ITGBL1: variants seen among roughly 807,000 people sequenced by gnomAD.
ITGBL1 encodes integrin beta-like protein 1.
In ITGBL1, 51 loss-of-function variants were observed where a neutral mutation model predicts 68.5. The observed-to-expected ratio is 0.74, with a 90% CI of 0.59 to 0.94. ITGBL1 has a LOEUF of 0.94. Ranked by LOEUF, ITGBL1 falls within the 40% of genes least tolerant of loss-of-function variation. ITGBL1 has a pLI of 0.00. For missense variants in ITGBL1, 649 were observed against 647.4 expected (o/e 1.00, Z -0.03); for synonymous variants, 209 against 227.3 (o/e 0.92, Z 0.72).
At chr13:101,493,786 G>A (rs181503663) in intron 2 of ITGBL1, among the ~76,000 whole-genome samples, 7 of 152,256 alleles carry the variant, frequency 4.6e-5, no homozygotes, top group African/African-American at 1.4e-4. Context: ...GGACAATCCC[G>A]GCTAAGAGCC....
At chr13:101,634,942 G>T (rs1461383962) in intron 7 of ITGBL1, among the ~76,000 whole-genome samples, 2 of 84,230 alleles carry the variant, frequency 2.4e-5, no homozygotes, top group East Asian at 6.5e-4. Flanking sequence ...TAAGCAAAAG[G>T]TGTGTGTGTG....
intron 1 of ITGBL1, 74 bp downstream of exon 1, chr13:101,453,005 T>C: frequency 8.1e-7 from 1 of 1,233,206 alleles, no homozygotes; most frequent in South Asian, 1.2e-5. Flanking sequence ...GCAGGATGGC[T>C]GCCCTAAGCC....
At chr13:101,613,208 A>G (rs896862410) in intron 7 of ITGBL1, among the ~76,000 whole-genome samples, 2 of 152,176 alleles carry the variant, frequency 1.3e-5, no homozygotes, top group African/African-American at 4.8e-5. Flanking sequence ...TTAATATACA[A>G]TTTTACGGGC....
chr13:101,706,849 A>G lies in ITGBL1; in HGVS notation c.1226A>G (p.Glu409Gly), dbSNP rs1032721963. 44 of 1,614,070 alleles carry G rather than the reference A, an allele frequency of 2.7e-5. 1 individual carries two copies. In the East Asian group the frequency reaches 9.8e-4, roughly 36 times the overall value. ...QHPRKCNMTEEQSKNLCESAD... is the reference protein window; with the variant it reads ...QHPRKCNMTEGQSKNLCESAD... The stretch of plus-strand genomic sequence containing the variant: ...CCGCGGAAGTGTAACATGACGGAAG[A>G]ACAAAGCAAGAATCTGTGTGAATCA... Residue 409 changes from glutamate to glycine, a missense_variant, in exon 9 of 11, where the codon GAA (glutamate) becomes GGA (glycine). Glu to Gly is a moderately conservative substitution (Grantham distance 98). Transcript: ENST00000376180.
intron 2 of ITGBL1, among the ~76,000 whole-genome samples, chr13:101,520,633 T>C (rs2049269750): frequency 6.6e-6 from 1 of 152,180 alleles, no homozygotes; most frequent in African/African-American, 2.4e-5. Context: ...GGCACCCTGC[T>C]CACTCCGTGG....
chr13:101,617,147 A>G (rs961032002), intron 7 of ITGBL1, among the ~76,000 whole-genome samples: 2 of 152,146 alleles, frequency 1.3e-5, no homozygotes, highest in African/African-American at 4.8e-5. Context: ...TTAACTAGGT[A>G]CTGTATTGTT....
intron 2 of ITGBL1, among the ~76,000 whole-genome samples, chr13:101,457,763 C>T (rs2048264466): frequency 6.6e-6 from 1 of 152,014 alleles, no homozygotes; most frequent in South Asian, 2.1e-4. Flanking sequence ...TTGCAGTGAG[C>T]CAAGATTGCG....
At chr13:101,605,322 A>G (rs1352545733) in intron 7 of ITGBL1, among the ~76,000 whole-genome samples, 1 of 6,810 alleles carries the variant, frequency 1.5e-4, no homozygotes, top group African/African-American at 3.7e-4. Flanking sequence ...ATATATGCAT[A>G]TGCGTATATA....
chr13:101,598,798 C>T (rs1356501421), intron 7 of ITGBL1, among the ~76,000 whole-genome samples: 1 of 152,156 alleles, frequency 6.6e-6, no homozygotes, highest in East Asian at 1.9e-4. Context: ...GTATTCCATG[C>T]TGTATATGTG....
intron 2 of ITGBL1, among the ~76,000 whole-genome samples, chr13:101,558,442 A>C (rs2050045826): frequency 6.6e-6 from 1 of 152,188 alleles, no homozygotes; most frequent in Admixed American, 6.5e-5. Context: ...ACAAACATGC[A>C]CTGCTACCCC....
chr13:101,632,189 A>G (rs2032007573), intron 7 of ITGBL1, among the ~76,000 whole-genome samples: 1 of 152,128 alleles, frequency 6.6e-6, no homozygotes, highest in African/African-American at 2.4e-5. Flanking sequence ...TACCTAAAAT[A>G]TATAAACCAC....
chr13:101,517,879 A>G lies in ITGBL1; in HGVS notation c.317-49820A>G, dbSNP rs183522379. 1.2e-4 allele frequency among the ~76,000 whole-genome samples: 18 copies of G among 152,256 alleles called. 1 individual carries two copies. Among genetic ancestry groups the G allele is most frequent in the Admixed American group, 9.2e-4 (14 of 15,296 alleles). ...ACTTACCTGTGCCAGCCTTGCTGAA[A>G]TGTGCACCAAGGCATCTGTCCACAG... On this transcript the variant is annotated intron_variant, in intron 2 of 10. Transcript: ENST00000376180.
intron 7 of ITGBL1, among the ~76,000 whole-genome samples, chr13:101,633,062 T>C (rs1268895255): frequency 1.3e-5 from 2 of 152,178 alleles, no homozygotes; most frequent in African/African-American, 4.8e-5. Flanking sequence ...AGATGAGTGC[T>C]CTGGATAATG....
chr13:101,607,441 CA>C (rs2030922272), intron 7 of ITGBL1, among the ~76,000 whole-genome samples: 1 of 151,934 alleles, frequency 6.6e-6, no homozygotes, highest in Non-Finnish European at 1.5e-5. Context: ...GAAATGGCTG[CA>C]TAATATTCCA....
chr13:101,547,161 C>CCTAG (rs1566726272), intron 2 of ITGBL1, among the ~76,000 whole-genome samples: 2 of 150,954 alleles, frequency 1.3e-5, no homozygotes, highest in Non-Finnish European at 3.0e-5. Context: ...TGTTTATTGA[C>CCTAG]TTAGCACTTT....
intron 7 of ITGBL1, among the ~76,000 whole-genome samples, chr13:101,690,889 C>T (rs1209321304): frequency 6.8e-6 from 1 of 146,870 alleles, no homozygotes; most frequent in African/African-American, 2.5e-5. Flanking sequence ...ACAACAAAAC[C>T]AACTTCATTA....
chr13:101,606,764 C>A (rs1012602283), intron 7 of ITGBL1, among the ~76,000 whole-genome samples: 6 of 152,026 alleles, frequency 3.9e-5, no homozygotes, highest in Non-Finnish European at 8.8e-5. Context: ...GCAGGAGAAA[C>A]CTCTATTAAT....
intron 6 of ITGBL1, among the ~76,000 whole-genome samples, chr13:101,591,726 C>T (rs2050658133): frequency 6.6e-6 from 1 of 152,138 alleles, no homozygotes; most frequent in South Asian, 2.1e-4. Context: ...CTAAAGACAG[C>T]ATGCATTTTC....
intron 7 of ITGBL1, among the ~76,000 whole-genome samples, chr13:101,601,425 C>T (rs1405071889): frequency 6.6e-6 from 1 of 152,046 alleles, no homozygotes; most frequent in Non-Finnish European, 1.5e-5. Context: ...TTTTTTGTGT[C>T]TCTATTTCCT....
Sources: allele counts gnomAD v4.1 joint callset (sites outside exome capture counted in the v4.1 genomes callset), GRCh38; gene constraint gnomAD v4.1.1; transcripts MANE v1.5; gene names NCBI Gene and HGNC (gene_info 2026-07-23, HGNC 2026-07-21).